The following DYNC2H1 variants were observed in gnomAD, a reference collection of about 807,000 sequenced individuals.
The protein encoded by DYNC2H1 is cytoplasmic dynein 2 heavy chain 1.
Under a neutral mutation model 570.0 loss-of-function variants are expected in DYNC2H1, and 410 were observed. That is an observed-to-expected ratio of 0.72 (90% CI 0.66 to 0.78). The LOEUF (loss-of-function observed/expected upper bound fraction) is 0.78. Among genes scored for constraint, DYNC2H1 ranks in the 30% least tolerant of loss-of-function variants. DYNC2H1 has a pLI of 0.00. For synonymous variants in DYNC2H1, 1,688 were observed against 1,677.6 expected (o/e 1.01, Z -0.15); for missense variants, 4,865 against 5,046.4 (o/e 0.96, Z 1.09).
rs151149778 is a variant in DYNC2H1 at position 103,477,567 on chromosome 11, C to G, written c.12766-1528C>G. The stretch of plus-strand genomic sequence containing the variant: ...TATCAATTGGCCGGATGCAGTGGCT[C>G]ACGCCTGTAATCCCAGCACTTTGGG... On this transcript the variant is annotated intron_variant, in intron 88 of 88. Transcript: ENST00000375735. Among the ~76,000 whole-genome samples, 517 of 152,224 alleles carry G rather than the reference C, an allele frequency of 3.4e-3. 3 individuals carry two copies. Among genetic ancestry groups the G allele is most frequent in the African/African-American group, 0.012 (494 of 41,522 alleles).
At position 103,267,200 on chromosome 11, in the gene DYNC2H1, G is replaced by A. The variant is rs578113510; in HGVS notation, c.10695+7223G>A. Among the ~76,000 whole-genome samples, 93 of 152,116 alleles carry A rather than the reference G, an allele frequency of 6.1e-4. No homozygotes were observed. In the Middle Eastern group the frequency reaches 0.01, roughly 17 times the overall value. ...CCACTGAGGGCCAGGAACAAGTCCAGGTGTGCAGTAGCTCTGGGTGGGGTT... is the reference window on the plus strand; with the variant it reads ...CCACTGAGGGCCAGGAACAAGTCCAAGTGTGCAGTAGCTCTGGGTGGGGTT... On this transcript the variant is annotated intron_variant, in intron 70 of 88. Transcript: ENST00000375735.
rs570232870 is a variant in DYNC2H1, at chr11:103,316,316, C to T, written c.11650-229C>T. Among the ~76,000 whole-genome samples the T allele has an allele frequency of 2.2e-4, 33 of 152,050 alleles. No individual in the cohort carries two copies. The South Asian group carries it at 6.6e-3, about 31-fold the overall frequency. On this transcript the variant is annotated intron_variant, in intron 79 of 88. Coordinates refer to ENST00000375735, the MANE Select transcript of DYNC2H1 (RefSeq NM_001377.3). Reference sequence around the variant, plus strand: ...TCTCTATGATTGTGTTGCCACATAACTAACTAAAACTAGTATGGTATTATA... The same window carrying T: ...TCTCTATGATTGTGTTGCCACATAATTAACTAAAACTAGTATGGTATTATA...
intron 87 of DYNC2H1, among the ~76,000 whole-genome samples, chr11:103,466,093 A>T (rs1329893679): frequency 6.7e-6 from 1 of 148,522 alleles, no homozygotes; most frequent in African/African-American, 2.5e-5. Flanking sequence ...GGAACGACAG[A>T]CTAATGTAAC....
chr11:103,109,606 T>C lies in DYNC2H1; in HGVS notation c.32T>C (p.Leu11Pro). Residue 11 changes from leucine (L) to proline (P), a missense_variant, in exon 1 of 89, where the codon CTC (leucine) becomes CCC (proline). Physicochemically the swap from Leu to Pro is moderately conservative, Grantham distance 98. Around this residue, in one of 5 missense-constraint regions of DYNC2H1, gnomAD observed 1,936 missense variants for 1,962.1 expected, o/e 0.99. Coordinates refer to ENST00000375735, the MANE Select transcript of DYNC2H1 (RefSeq NM_001377.3). ...AACGGGACTGCGGACGTTCGGAAGC[T>C]CTTCATCTTCACTACTACCCAGAAT... MANGTADVRK[L>P]FIFTTTQNYF... is the part of the protein sequence containing the mutation. The C allele has an allele frequency of 6.2e-7, 1 of 1,613,724 alleles. No homozygotes were observed. The highest frequency in any genetic ancestry group is 8.5e-7 in the Non-Finnish European group (1 of 1,179,828).
At chr11:103,425,357 T>C (rs758253282) in intron 84 of DYNC2H1, among the ~76,000 whole-genome samples, 4 of 152,100 alleles carry the variant, frequency 2.6e-5, no homozygotes, top group Non-Finnish European at 4.4e-5. Flanking sequence ...GCCAGCATGG[T>C]TGGGTTCTGA....
Position 103,122,991 on chromosome 11 carries a change from CTGGTTTGTGGTAA to C in DYNC2H1, c.1653_1661+4del. 3 of 1,523,816 alleles carry C rather than the reference CTGGTTTGTGGTAA, an allele frequency of 2.0e-6. No homozygotes were observed. The highest frequency in any genetic ancestry group is 2.7e-6 in the Non-Finnish European group (3 of 1,126,872). 94.4% of individuals were successfully genotyped at this position (1,523,816 alleles called of 1,614,324 possible). ...CAATCAGGTTTATCTGATTCCAGAT[CTGGTTTGTGGTAA>C]GTATAGATATATTAAACTGTAAAAT... On this transcript the variant is annotated splice_donor_variant and splice_donor_region_variant and coding_sequence_variant and intron_variant, in exon 11 of 89. Coordinates refer to ENST00000375735, the MANE Select transcript of DYNC2H1 (RefSeq NM_001377.3). LOFTEE classifies it high-confidence loss of function.
At chr11:103,377,773 G>A (rs1941453423) in intron 83 of DYNC2H1, among the ~76,000 whole-genome samples, 1 of 152,114 alleles carries the variant, frequency 6.6e-6, no homozygotes, top group South Asian at 2.1e-4. Flanking sequence ...GTCTCGCTCT[G>A]TTGCCCAGGC....
At chr11:103,219,855 T>C in intron 55 of DYNC2H1, 60 bp from the exon 56 acceptor site, 1 of 968,876 alleles carries the variant, frequency 1.0e-6, no homozygotes, top group Non-Finnish European at 1.5e-6. Context: ...ATTTTGGATT[T>C]CATGCTTTTA....
At chr11:103,399,629 C>T in intron 83 of DYNC2H1, 34 bp from the exon 84 acceptor site, 3 of 1,477,238 alleles carry the variant, frequency 2.0e-6, no homozygotes, top group Non-Finnish European at 2.8e-6. Context: ...ATCTGTGTTA[C>T]TATTCGGTAA....
chr11:103,377,165 G>A (rs1223517455), intron 83 of DYNC2H1, among the ~76,000 whole-genome samples: 2 of 152,104 alleles, frequency 1.3e-5, no homozygotes, highest in Non-Finnish European at 1.5e-5. Context: ...CCAAGACTTG[G>A]GAAGTTTTCA....
chr11:103,424,343 A>C (rs930019312), intron 84 of DYNC2H1, among the ~76,000 whole-genome samples: 1 of 152,188 alleles, frequency 6.6e-6, no homozygotes, highest in African/African-American at 2.4e-5. Context: ...GCCAAATGGT[A>C]CCAAGTGTTG....
intron 1 of DYNC2H1, among the ~76,000 whole-genome samples, chr11:103,112,379 G>A (rs1858154417): frequency 6.6e-6 from 1 of 152,162 alleles, no homozygotes; most frequent in South Asian, 2.1e-4. Context: ...GCAAGAGAGA[G>A]CTGTGATCTG....
intron 12 of DYNC2H1, 34 bp from the exon 13 acceptor site, chr11:103,128,873 GTTA>G (rs1354887305): frequency 7.2e-7 from 1 of 1,386,044 alleles, no homozygotes; most frequent in East Asian, 2.4e-5. Flanking sequence ...TAAAAATGAA[GTTA>G]TTAATTATTA....
intron 83 of DYNC2H1, among the ~76,000 whole-genome samples, chr11:103,379,171 C>A (rs1433012566): frequency 6.6e-6 from 1 of 152,186 alleles, no homozygotes; most frequent in African/African-American, 2.4e-5. Context: ...CAGCCAAAAT[C>A]TCTCCCTAGT....
At chr11:103,453,252 TAGTA>T (rs1486029500) in intron 85 of DYNC2H1, among the ~76,000 whole-genome samples, 7 of 152,044 alleles carry the variant, frequency 4.6e-5, no homozygotes, top group African/African-American at 1.7e-4. Context: ...ATTTGCCAGT[TAGTA>T]TGCCTACGAC....
intron 83 of DYNC2H1, among the ~76,000 whole-genome samples, chr11:103,380,131 G>A (rs1210440731): frequency 2.6e-5 from 4 of 152,104 alleles, no homozygotes; most frequent in Non-Finnish European, 1.5e-5. Flanking sequence ...AAAGTAAAGA[G>A]CAGCGAGTCA....
At chr11:103,200,737 T>C (rs1862687012) in intron 50 of DYNC2H1, among the ~76,000 whole-genome samples, 1 of 152,232 alleles carries the variant, frequency 6.6e-6, no homozygotes, top group Non-Finnish European at 1.5e-5. Context: ...TGGAATATAG[T>C]TGCATTCATT....
chr11:103,189,851 A>G lies in DYNC2H1; in HGVS notation c.7437+35A>G, dbSNP rs1188598949. 4 of 1,547,340 alleles carry G rather than the reference A, an allele frequency of 2.6e-6. No individual in the cohort carries two copies. In the East Asian group the frequency reaches 6.8e-5, roughly 26 times the overall value. On this transcript the variant is annotated intron_variant, in intron 45 of 88. Coordinates refer to ENST00000375735, the MANE Select transcript of DYNC2H1 (RefSeq NM_001377.3). The surrounding 1 kb of genome is among the most constrained non-coding windows in gnomAD (Gnocchi z 4.3). ...CATCTAAATTGTAGCTTTCATGTCTATTAGTATCATTTCTAAAGGTCTACT... is the reference window on the plus strand; with the variant it reads ...CATCTAAATTGTAGCTTTCATGTCTGTTAGTATCATTTCTAAAGGTCTACT...
chr11:103,256,098 C>T lies in DYNC2H1; in HGVS notation c.10327-8C>T. On this transcript the variant is annotated splice_region_variant and splice_polypyrimidine_tract_variant and intron_variant, in intron 67 of 88. Transcript: ENST00000375735. The surrounding 1 kb of genome is among the most constrained non-coding windows in gnomAD (Gnocchi z 4.0). ...TAATAATATTCATATTGTTAACTTT[C>T]CCTACAGACACTTGCCACATCTCAA... 1 of 1,591,160 alleles carries T rather than the reference C, an allele frequency of 6.3e-7. No individual in the cohort carries two copies. Among genetic ancestry groups the T allele is most frequent in the Non-Finnish European group, 8.6e-7 (1 of 1,167,184 alleles).
Sources: allele counts gnomAD v4.1 joint callset (sites outside exome capture counted in the v4.1 genomes callset), GRCh38; gene constraint gnomAD v4.1.1; regional missense constraint gnomAD v4.1.1; non-coding constraint Gnocchi (gnomAD v3.1); transcripts MANE v1.5; gene names NCBI Gene and HGNC (gene_info 2026-07-23, HGNC 2026-07-21).